The following PCED1B variants were observed in gnomAD, a reference collection of about 807,000 sequenced individuals.
PCED1B encodes PC-esterase domain-containing protein 1B.
For missense variants in PCED1B, 573 were observed against 573.9 expected (o/e 1.00, Z 0.02); for synonymous variants, 251 against 246.1 (o/e 1.02, Z -0.19).
At chr12:47,129,559 G>A (rs1000966897) in intron 2 of PCED1B, among the ~76,000 whole-genome samples, 6 of 151,186 alleles carry the variant, frequency 4.0e-5, no homozygotes, top group Admixed American at 1.3e-4. Context: ...CTTCAGAATG[G>A]CATGCCCCTC....
At chr12:47,186,829 A>T (rs1294527594) in intron 2 of PCED1B, among the ~76,000 whole-genome samples, 1 of 152,226 alleles carries the variant, frequency 6.6e-6, no homozygotes, top group Non-Finnish European at 1.5e-5. Flanking sequence ...AAATTAACAC[A>T]GCACAAAATC....
chr12:47,176,017 C>G (rs1941913165), intron 2 of PCED1B, among the ~76,000 whole-genome samples: 1 of 151,580 alleles, frequency 6.6e-6, no homozygotes, highest in African/African-American at 2.4e-5. Flanking sequence ...GAAGGCATCC[C>G]ACCCAGCTTG....
intron 2 of PCED1B, among the ~76,000 whole-genome samples, chr12:47,137,752 GAAA>G (rs61634155): frequency 7.7e-6 from 1 of 129,524 alleles, no homozygotes; most frequent in Non-Finnish European, 1.6e-5. Context: ...AAGAAAAAAA[GAAA>G]AAAAAAAACA....
chr12:47,139,255 C>A (rs1940500740), intron 2 of PCED1B, among the ~76,000 whole-genome samples: 1 of 152,146 alleles, frequency 6.6e-6, no homozygotes, highest in African/African-American at 2.4e-5. Context: ...TAGATGATTT[C>A]TAAGAACAAC....
intron 2 of PCED1B, among the ~76,000 whole-genome samples, chr12:47,185,886 A>C (rs937098511): frequency 2.6e-5 from 4 of 152,102 alleles, no homozygotes; most frequent in South Asian, 2.1e-4. Flanking sequence ...GCACATACAC[A>C]TAGGAGTATT....
rs139056948 is a variant in PCED1B at position 47,236,081 on chromosome 12, G to A, written c.1018G>A (p.Ala340Thr). Reference protein sequence around the residue: ...MPRFPQGPPDACFSSDHTFQS... With the variant: ...MPRFPQGPPDTCFSSDHTFQS... ...CCGGTTCCCACAGGGTCCCCCAGATGCCTGTTTTTCCTCAGACCATACTTT... is the reference window on the plus strand; with the variant it reads ...CCGGTTCCCACAGGGTCCCCCAGATACCTGTTTTTCCTCAGACCATACTTT... The change falls in exon 4 of 4, where the codon GCC (alanine) becomes ACC (threonine). Residue 340 changes from alanine to threonine, a missense_variant. By Grantham distance (58) the Ala-to-Thr change is moderately conservative. Coordinates refer to ENST00000546455, the MANE Select transcript of PCED1B (RefSeq NM_138371.3). 423 of 1,614,054 alleles carry A rather than the reference G, an allele frequency of 2.6e-4. 3 individuals are homozygous for A. In the East Asian group the frequency reaches 6.9e-3, roughly 26 times the overall value.
intron 2 of PCED1B, among the ~76,000 whole-genome samples, chr12:47,118,574 T>G (rs1304795400): frequency 6.6e-6 from 1 of 152,204 alleles, no homozygotes; most frequent in Non-Finnish European, 1.5e-5. Context: ...ACCAGTACCA[T>G]GTTGTTTTGG....
At chr12:47,173,001 C>T (rs931077281) in intron 2 of PCED1B, among the ~76,000 whole-genome samples, 1 of 152,080 alleles carries the variant, frequency 6.6e-6, no homozygotes, top group Non-Finnish European at 1.5e-5. Flanking sequence ...ATGGGGAAGA[C>T]AGGACAATAA....
chr12:47,192,226 G>A lies in PCED1B; in HGVS notation c.-525-23996G>A, dbSNP rs551577440. 6.5e-4 allele frequency among the ~76,000 whole-genome samples: 93 copies of A among 143,190 alleles called. 1 individual carries two copies. The highest frequency in any genetic ancestry group is 3.8e-3 in the Middle Eastern group (1 of 260). The allele number at this position is 143,190 out of a possible 152,430, so 93.9% of individuals were successfully genotyped here. ...TGCCAGCAAAGAGCTTCTAAATCAC[G>A]ACAAACAGTAAATGCATGTTGATTA... On this transcript the variant is annotated intron_variant, in intron 2 of 3. Coordinates refer to ENST00000546455, the MANE Select transcript of PCED1B (RefSeq NM_138371.3).
intron 2 of PCED1B, among the ~76,000 whole-genome samples, chr12:47,136,828 G>A (rs1341842902): frequency 3.3e-5 from 5 of 152,056 alleles, no homozygotes; most frequent in Admixed American, 3.3e-4. Context: ...TATACTAGAA[G>A]ACAAGTCATA....
intron 2 of PCED1B, among the ~76,000 whole-genome samples, chr12:47,211,294 T>C (rs559177954): frequency 6.6e-6 from 1 of 152,302 alleles, no homozygotes; most frequent in East Asian, 1.9e-4. Flanking sequence ...GTTTATCTAA[T>C]AAAGTAAGAA....
chr12:47,185,806 G>T (rs929766755), intron 2 of PCED1B, among the ~76,000 whole-genome samples: 1 of 147,798 alleles, frequency 6.8e-6, no homozygotes, highest in Non-Finnish European at 1.5e-5. Context: ...AAAAAAAAAA[G>T]ACTGTATATT....
intron 2 of PCED1B, among the ~76,000 whole-genome samples, chr12:47,158,656 A>T (rs1432989713): frequency 6.6e-6 from 1 of 152,142 alleles, no homozygotes; most frequent in Non-Finnish European, 1.5e-5. Flanking sequence ...TTGATAGACA[A>T]TATTGGTACA....
At chr12:47,217,482 A>G (rs1470205639) in intron 3 of PCED1B, among the ~76,000 whole-genome samples, 5 of 115,222 alleles carry the variant, frequency 4.3e-5, no homozygotes, top group African/African-American at 2.3e-4. Context: ...GAAAGAAAGA[A>G]AGAAAGAAAG....
At chr12:47,225,304 T>A (rs1368530016) in intron 3 of PCED1B, among the ~76,000 whole-genome samples, 1 of 152,202 alleles carries the variant, frequency 6.6e-6, no homozygotes, top group African/African-American at 2.4e-5. Flanking sequence ...TTTTTTTATT[T>A]GATCCTAAAG....
intron 1 of PCED1B, among the ~76,000 whole-genome samples, chr12:47,092,426 T>G (rs1380786869): frequency 6.6e-6 from 1 of 152,092 alleles, no homozygotes; most frequent in Non-Finnish European, 1.5e-5. Flanking sequence ...TGTCCTTAGA[T>G]TCTCTAGAAA....
chr12:47,080,799 C>T (rs1937661531), intron 1 of PCED1B, among the ~76,000 whole-genome samples: 1 of 152,050 alleles, frequency 6.6e-6, no homozygotes, highest in South Asian at 2.1e-4. Flanking sequence ...TCTTCTCTCT[C>T]CCTCTCTCTC....
chr12:47,118,169 T>G (rs967626135), intron 2 of PCED1B, among the ~76,000 whole-genome samples: 2 of 152,380 alleles, frequency 1.3e-5, no homozygotes, highest in East Asian at 3.9e-4. Context: ...TAATTTCTTT[T>G]GCTGTGCAGA....
intron 2 of PCED1B, among the ~76,000 whole-genome samples, chr12:47,156,547 C>T (rs1941199086): frequency 6.6e-6 from 1 of 152,004 alleles, no homozygotes; most frequent in Admixed American, 6.6e-5. Context: ...GTGCCACAGT[C>T]TATGCCCTTG....
Sources: allele counts gnomAD v4.1 joint callset (sites outside exome capture counted in the v4.1 genomes callset), GRCh38; gene constraint gnomAD v4.1.1; transcripts MANE v1.5; gene names NCBI Gene and HGNC (gene_info 2026-07-23, HGNC 2026-07-21).